Variants in COP1 observed in about 807,000 individuals in gnomAD.
COP1 encodes the protein COP1 E3 ubiquitin ligase.
COP1 carries 24 observed loss-of-function variants against 101.3 expected under a neutral mutation model. The observed-to-expected ratio is 0.24, with a 90% CI of 0.17 to 0.33. The LOEUF (loss-of-function observed/expected upper bound fraction) is 0.33. COP1 is among the 10% of genes least tolerant of loss of function. COP1 has a pLI of 1.00. For missense variants in COP1, 663 were observed against 906.2 expected, an observed-to-expected ratio of 0.73 and a Z score of 3.45; for synonymous variants, 347 against 341.9, an observed-to-expected ratio of 1.01 and a Z score of -0.17.
At chr1:176,193,228 C>A (rs1699301596) in intron 1 of COP1, among the ~76,000 whole-genome samples, 2 of 152,136 alleles carry the variant, frequency 1.3e-5, no homozygotes, top group Admixed American at 6.5e-5. Flanking sequence ...CAATGAATAA[C>A]CACTTCACAC....
intron 15 of COP1, among the ~76,000 whole-genome samples, chr1:176,004,151 TTGTC>T (rs1441373702): frequency 2.0e-5 from 3 of 151,584 alleles, no homozygotes; most frequent in South Asian, 4.2e-4. Context: ...GGCTCTCTGT[TTGTC>T]TGTTGTTGGT....
rs75911432 is a variant in COP1 at position 176,065,025 on chromosome 1, C to T, written c.1277+16127G>A. 3.0e-3 allele frequency among the ~76,000 whole-genome samples: 453 copies of T among 152,262 alleles called. 4 individuals carry two copies. The highest frequency in any genetic ancestry group is 0.01 in the African/African-American group (433 of 41,534). ...CCTTTATAATTTAGAGAGACACAAACCATATAACTAAGATTATAGAAGTTG... is the reference window on the plus strand; with the variant it reads ...CCTTTATAATTTAGAGAGACACAAATCATATAACTAAGATTATAGAAGTTG... On this transcript the variant is annotated intron_variant, in intron 11 of 19. Coordinates refer to ENST00000367669, the MANE Select transcript of COP1 (RefSeq NM_022457.7).
chr1:176,030,072 C>A (rs1477419436), intron 14 of COP1, among the ~76,000 whole-genome samples: 1 of 152,132 alleles, frequency 6.6e-6, no homozygotes, highest in Non-Finnish European at 1.5e-5. Context: ...CCATGTCAGC[C>A]TCCTGAGTAA....
chr1:176,019,247 G>A (rs918445644), intron 15 of COP1, among the ~76,000 whole-genome samples: 9 of 150,914 alleles, frequency 6.0e-5, no homozygotes, highest in Non-Finnish European at 8.9e-5. Context: ...GGCGGATCAC[G>A]AGGTCAGGAG....
chr1:176,046,729 T>C (rs1671586164), intron 11 of COP1, among the ~76,000 whole-genome samples: 1 of 152,030 alleles, frequency 6.6e-6, no homozygotes, highest in Non-Finnish European at 1.5e-5. Flanking sequence ...TTTGTGGAGG[T>C]AGTAGAATTT....
intron 14 of COP1, among the ~76,000 whole-genome samples, chr1:176,030,739 A>C (rs1480788487): frequency 2.0e-5 from 3 of 152,242 alleles, no homozygotes; most frequent in African/African-American, 7.2e-5. Context: ...TATAGAGATT[A>C]CAATAATTTC....
chr1:175,995,159 G>A (rs1289740836), intron 15 of COP1, among the ~76,000 whole-genome samples: 5 of 152,108 alleles, frequency 3.3e-5, no homozygotes, highest in Admixed American at 6.5e-5. Context: ...GGTACATAAC[G>A]AAATGAAGGC....
intron 6 of COP1, among the ~76,000 whole-genome samples, chr1:176,139,907 A>G (rs527793996): frequency 2.0e-5 from 3 of 152,162 alleles, no homozygotes; most frequent in Non-Finnish European, 2.9e-5. Flanking sequence ...ATCACACCAT[A>G]TATCTACGTA....
At chr1:175,999,436 T>C (rs1244870145) in intron 15 of COP1, among the ~76,000 whole-genome samples, 1 of 152,104 alleles carries the variant, frequency 6.6e-6, no homozygotes, top group African/African-American at 2.4e-5. Flanking sequence ...AATGACAGAA[T>C]CTCATTCTTT....
chr1:175,978,156 A>G (rs1012659343), intron 18 of COP1, among the ~76,000 whole-genome samples: 1 of 152,174 alleles, frequency 6.6e-6, no homozygotes, highest in Non-Finnish European at 1.5e-5. Context: ...AAAACCAAAA[A>G]CAGCAAGTAG....
chr1:176,073,965 G>C (rs994768703), intron 11 of COP1, among the ~76,000 whole-genome samples: 1 of 152,150 alleles, frequency 6.6e-6, no homozygotes, highest in African/African-American at 2.4e-5. Context: ...TTGAGACAGA[G>C]TCTCATTCTG....
intron 15 of COP1, among the ~76,000 whole-genome samples, chr1:176,007,319 C>T (rs1054243692): frequency 2.8e-4 from 43 of 152,246 alleles, no homozygotes; most frequent in African/African-American, 8.4e-4. Context: ...GTAATTTGAT[C>T]GTCTGAAGCC....
At position 176,095,861 on chromosome 1, in the gene COP1, C is replaced by A. The variant is rs1019308000; in HGVS notation, c.1027-9971G>T. 3.3e-4 allele frequency among the ~76,000 whole-genome samples: 50 copies of A among 152,156 alleles called. 1 individual carries two copies. Among genetic ancestry groups the A allele is most frequent in the Middle Eastern group, 6.8e-3 (2 of 294 alleles). ...CTATTCATAATTTTTTTTAAAAAAACATATAAAAATCTGTTAAGAATCAGT... is the reference window on the plus strand; with the variant it reads ...CTATTCATAATTTTTTTTAAAAAAAAATATAAAAATCTGTTAAGAATCAGT... On this transcript the variant is annotated intron_variant, in intron 9 of 19. Coordinates refer to ENST00000367669, the MANE Select transcript of COP1 (RefSeq NM_022457.7).
intron 5 of COP1, among the ~76,000 whole-genome samples, chr1:176,152,770 C>T (rs1692827573): frequency 1.3e-5 from 2 of 152,138 alleles, no homozygotes; most frequent in African/African-American, 4.8e-5. Flanking sequence ...CCCTAGATAA[C>T]TTTATGTGTG....
intron 15 of COP1, among the ~76,000 whole-genome samples, chr1:176,016,317 GGA>G (rs1216508914): frequency 6.6e-6 from 1 of 152,060 alleles, no homozygotes; most frequent in Non-Finnish European, 1.5e-5. Context: ...ACTATAGATG[GGA>G]GAGGTGAAAA....
At chr1:176,171,508 T>C (rs1379732368) in intron 3 of COP1, among the ~76,000 whole-genome samples, 2 of 152,240 alleles carry the variant, frequency 1.3e-5, no homozygotes, top group Non-Finnish European at 2.9e-5. Flanking sequence ...TTATCATTCG[T>C]GTCTTCACTG....
intron 11 of COP1, among the ~76,000 whole-genome samples, chr1:176,048,046 CT>C (rs1158137384): frequency 6.6e-6 from 1 of 152,080 alleles, no homozygotes; most frequent in Admixed American, 6.6e-5. Flanking sequence ...GCACTCCAGC[CT>C]GGGTGACACA....
At chr1:176,035,426 C>T (rs568680095) in intron 14 of COP1, among the ~76,000 whole-genome samples, 1 of 151,152 alleles carries the variant, frequency 6.6e-6, no homozygotes, top group South Asian at 2.1e-4. Flanking sequence ...GTCTAATACA[C>T]TAACATAATT....
chr1:175,981,517 C>CA (rs1222920301), intron 18 of COP1, among the ~76,000 whole-genome samples: 1 of 152,128 alleles, frequency 6.6e-6, no homozygotes, highest in Non-Finnish European at 1.5e-5. Context: ...ATACAACACT[C>CA]AACTCAAAAT....
Sources: gnomAD v4.1 joint callset for allele counts (sites outside exome capture counted in the v4.1 genomes callset) on GRCh38, gnomAD v4.1.1 for gene constraint, MANE v1.5 for transcripts, NCBI Gene and HGNC (gene_info 2026-07-23, HGNC 2026-07-21) for gene names.